The following HPS3 variants were observed in gnomAD, a reference collection of about 807,000 sequenced individuals.
The protein encoded by HPS3 is BLOC-2 complex member HPS3.
In HPS3, 79 loss-of-function variants were observed where a neutral mutation model predicts 110.9. The observed-to-expected ratio is 0.71, with a 90% confidence interval of 0.59 to 0.86. HPS3 has a LOEUF of 0.86. Among genes scored for constraint, HPS3 ranks in the 40% least tolerant of loss-of-function variants. The pLI is 0.00. For missense variants in HPS3, 1,197 were observed against 1,206.2 expected (o/e 0.99, Z 0.11); for synonymous variants, 428 against 451.0 (o/e 0.95, Z 0.65).
At position 149,153,337 on chromosome 3, in the gene HPS3, C is replaced by T. The variant is rs60660268; in HGVS notation, c.1246-157C>T. On this transcript the variant is annotated intron_variant, in intron 6 of 16. Coordinates refer to ENST00000296051, the MANE Select transcript of HPS3 (RefSeq NM_032383.5). ...AACCTCTTCTGTTAAGAATAGGAAT[C>T]TGGGTTGGTCTTTTGTTTGTTTGTT... is the stretch of plus-strand genomic sequence containing the variant. Among the ~76,000 whole-genome samples, 39,716 of 152,088 alleles carry T rather than the reference C, an allele frequency of 0.26. 5,503 individuals carry two copies. The highest frequency in any genetic ancestry group is 0.42 in the South Asian group (2,008 of 4,826).
intron 4 of HPS3, among the ~76,000 whole-genome samples, chr3:149,141,744 G>A (rs1722488256): frequency 6.6e-6 from 1 of 151,314 alleles, no homozygotes; most frequent in African/African-American, 2.4e-5. Context: ...ACCATGTTGG[G>A]CAGGATGGTC....
At chr3:149,159,969 A>T (rs1386551253) in intron 10 of HPS3, 77 bp from the exon 11 acceptor site, 1 of 981,994 alleles carries the variant, frequency 1.0e-6, no homozygotes, top group African/African-American at 1.6e-5. Flanking sequence ...CTTTTTGCAC[A>T]TATGTTTTGC....
chr3:149,147,339 T>C (rs944861265), intron 5 of HPS3, among the ~76,000 whole-genome samples: 1 of 151,826 alleles, frequency 6.6e-6, no homozygotes, highest in South Asian at 2.1e-4. Context: ...AAAAAAAAAG[T>C]TGATTATTAA....
intron 5 of HPS3, 43 bp downstream of exon 5, chr3:149,145,589 T>A (rs781425767): frequency 6.7e-7 from 1 of 1,501,786 alleles, no homozygotes; most frequent in South Asian, 1.1e-5. Flanking sequence ...GTCACTTATT[T>A]GTAAATTTTT....
chr3:149,163,020 C>A, intron 13 of HPS3, 142 bp downstream of exon 13: 1 of 742,262 alleles, frequency 1.3e-6, no homozygotes, highest in Non-Finnish European at 2.3e-6. Flanking sequence ...TAAAAATACA[C>A]TTAAAATTTG....
rs766439926 is a variant in HPS3, at chr3:149,129,805, G to T, written c.82G>T (p.Gly28Trp). 1 of 1,607,256 alleles carries T rather than the reference G, an allele frequency of 6.2e-7. No homozygotes were observed. The highest frequency in any genetic ancestry group is 2.2e-5 in the East Asian group (1 of 44,834). ...GCTGGAGCCGGACCGGTTCTGTGGC[G>T]GGGGGCGTGACGCGCTTTTCGTGGC... is the stretch of plus-strand genomic sequence containing the variant. Reference protein sequence around the residue: ...CKLEPDRFCGGGRDALFVAAG... With the variant: ...CKLEPDRFCGWGRDALFVAAG... Residue 28 changes from glycine (G) to tryptophan (W), a missense_variant, in exon 1 of 17, where the codon GGG (glycine) becomes TGG (tryptophan). Physicochemically the swap from Gly to Trp is radical, Grantham distance 184. Transcript: ENST00000296051.
At position 149,140,371 on chromosome 3, in the gene HPS3, T is replaced by TG; in HGVS notation, c.587dup (p.Tyr197IlefsTer20). ...CTCCTGTTGAGGTTTCTTTTTGTGTTGGATATGTTGCTGTCATGTCAGACT... is the reference window on the plus strand; with the variant it reads ...CTCCTGTTGAGGTTTCTTTTTGTGTTGGGATATGTTGCTGTCATGTCAGACT... On this transcript the variant is annotated frameshift_variant, in exon 2 of 17. Transcript: ENST00000296051. LOFTEE classifies it high-confidence loss of function. 6.2e-7 allele frequency: 1 copy of TG among 1,610,170 alleles called. No homozygotes were observed.
rs1723691027 is a variant in HPS3 at position 149,160,035 on chromosome 3, G to A, written c.1873-11G>A. 3 of 1,593,514 alleles carry A rather than the reference G, an allele frequency of 1.9e-6. No homozygotes were observed. The highest frequency in any genetic ancestry group is 2.2e-5 in the South Asian group (2 of 90,640). On this transcript the variant is annotated splice_polypyrimidine_tract_variant and intron_variant, in intron 10 of 16. Coordinates refer to ENST00000296051, the MANE Select transcript of HPS3 (RefSeq NM_032383.5). Reference sequence around the variant, plus strand: ...CCTTTTATTCCTTTTATTCCTTCGTGCTCACCAAAGGAATTAGCAGCAAAA... The same window carrying A: ...CCTTTTATTCCTTTTATTCCTTCGTACTCACCAAAGGAATTAGCAGCAAAA...
At chr3:149,137,085 A>T (rs1250312466) in intron 1 of HPS3, among the ~76,000 whole-genome samples, 1 of 152,196 alleles carries the variant, frequency 6.6e-6, no homozygotes, top group Non-Finnish European at 1.5e-5. Flanking sequence ...TAAGGGATTA[A>T]TATCTAGAAT....
rs1471533823 is a variant in HPS3, at chr3:149,172,353, CACAT to C, written c.*133_*136del. ...ACACACACACACACACACACACACACACATATATGATACAAATGCTTTCAGGCTG... is the reference window on the plus strand; with the variant it reads ...ACACACACACACACACACACACACACATATGATACAAATGCTTTCAGGCTG... On this transcript the variant is annotated 3_prime_UTR_variant, in exon 17 of 17. Coordinates refer to ENST00000296051, the MANE Select transcript of HPS3 (RefSeq NM_032383.5). 9.1e-5 allele frequency: 63 copies of C among 691,448 alleles called. No individual in the cohort carries two copies. The African/African-American group carries it at 9.5e-4, about 10-fold the overall frequency. 42.8% of individuals were successfully genotyped at this position (691,448 alleles called of 1,614,324 possible).
intron 1 of HPS3, among the ~76,000 whole-genome samples, chr3:149,131,687 C>T (rs1721791287): frequency 6.6e-6 from 1 of 152,140 alleles, no homozygotes; most frequent in Admixed American, 6.5e-5. Context: ...TCTAAATGTT[C>T]AAGTGACACT....
chr3:149,163,158 C>G (rs1299110559), intron 13 of HPS3, among the ~76,000 whole-genome samples: 1 of 152,186 alleles, frequency 6.6e-6, no homozygotes, highest in African/African-American at 2.4e-5. Flanking sequence ...GGACTTCTTC[C>G]AGAACATCAC....
intron 8 of HPS3, 77 bp downstream of exon 8, chr3:149,155,292 T>C (rs767767491): frequency 3.6e-5 from 32 of 900,526 alleles, no homozygotes; most frequent in Non-Finnish European, 5.0e-5. Flanking sequence ...ATTCTAATTA[T>C]CATACATTCA....
At chr3:149,171,145 G>T (rs1724944795) in intron 16 of HPS3, among the ~76,000 whole-genome samples, 1 of 152,102 alleles carries the variant, frequency 6.6e-6, no homozygotes, top group South Asian at 2.1e-4. Context: ...GGACGTGGTG[G>T]TGCGCACCTG....
At chr3:149,156,289 A>G (rs1723453737) in intron 8 of HPS3, among the ~76,000 whole-genome samples, 1 of 152,190 alleles carries the variant, frequency 6.6e-6, no homozygotes, top group Non-Finnish European at 1.5e-5. Context: ...ACCAGAATAC[A>G]GTAGTATGCT....
chr3:149,150,676 T>TGAA lies in HPS3; in HGVS notation c.1243_1245dup (p.Lys415dup). ...GAGGACCCGTACATGGACACCACCC[T>TGAA]GAAGGTAAGAACTGGCTTATGAAGA... is the stretch of plus-strand genomic sequence containing the variant. On this transcript the variant is annotated inframe_insertion, in exon 6 of 17. Transcript: ENST00000296051. 1.2e-6 allele frequency: 2 copies of TGAA among 1,612,342 alleles called. No individual in the cohort carries two copies. Among genetic ancestry groups the TGAA allele is most frequent in the Non-Finnish European group, 1.7e-6 (2 of 1,178,346 alleles).
At chr3:149,157,661 C>T in intron 9 of HPS3, 130 bp downstream of exon 9, 1 of 843,834 alleles carries the variant, frequency 1.2e-6, no homozygotes, top group Admixed American at 2.0e-5. Context: ...CTTCCACAAG[C>T]ATTTGTTGAG....
At chr3:149,148,801 G>T (rs1722934413) in intron 5 of HPS3, among the ~76,000 whole-genome samples, 1 of 151,846 alleles carries the variant, frequency 6.6e-6, no homozygotes, top group Non-Finnish European at 1.5e-5. Flanking sequence ...TCAGCAACTT[G>T]CTATTTTACA....
Position 149,172,838 on chromosome 3 carries a change from A to G in HPS3, c.*616A>G, listed in dbSNP as rs1267368542. 1 of 152,700 alleles carries G rather than the reference A, an allele frequency of 6.5e-6. No homozygotes were observed. The highest frequency in any genetic ancestry group is 3.2e-3 in the Middle Eastern group (1 of 316). The allele number at this position is 152,700 out of a possible 1,614,324, so 9.5% of individuals were successfully genotyped here. A position where few individuals can be genotyped will look rare whatever the true frequency, so the allele number is the denominator to read the frequency against. Reference sequence around the variant, plus strand: ...TAACTTTCTTCTTGTCTAGCTATTAACATGATTTGTCAAATGCATGTTTTT... The same window carrying G: ...TAACTTTCTTCTTGTCTAGCTATTAGCATGATTTGTCAAATGCATGTTTTT... On this transcript the variant is annotated 3_prime_UTR_variant, in exon 17 of 17. Coordinates refer to ENST00000296051, the MANE Select transcript of HPS3 (RefSeq NM_032383.5).
Sources: gnomAD v4.1 joint callset for allele counts (sites outside exome capture counted in the v4.1 genomes callset) on GRCh38, gnomAD v4.1.1 for gene constraint, MANE v1.5 for transcripts, NCBI Gene and HGNC (gene_info 2026-07-23, HGNC 2026-07-21) for gene names.